ZFHX3: variants seen among roughly 807,000 people sequenced by gnomAD.
ZFHX3 encodes zinc finger homeobox protein 3.
In ZFHX3, 42 loss-of-function variants were observed where a neutral mutation model predicts 279.1. The ratio of observed to expected loss-of-function variants is 0.15; its 90% CI spans 0.12 to 0.19. The LOEUF (loss-of-function observed/expected upper bound fraction) is 0.19, where lower values mean the gene tolerates loss of function less well. Ranked by LOEUF, ZFHX3 falls within the 10% of genes least tolerant of loss-of-function variation. The pLI is 1.00. For synonymous variants in ZFHX3, 2,293 were observed against 1,957.8 expected (o/e 1.17, Z -4.52); for missense variants, 4,981 against 4,754.0 (o/e 1.05, Z -1.40).
chr16:72,870,645 G>A (rs566327495), intron 4 of ZFHX3, among the ~76,000 whole-genome samples: 1 of 148,034 alleles, frequency 6.8e-6, no homozygotes, highest in African/African-American at 2.5e-5. Flanking sequence ...ATGAACCCAG[G>A]AGGCGGAGCT....
intron 2 of ZFHX3, among the ~76,000 whole-genome samples, chr16:72,956,170 C>T (rs974140093): frequency 2.0e-5 from 3 of 152,194 alleles, no homozygotes; most frequent in Non-Finnish European, 2.9e-5. Context: ...TATAACTCAT[C>T]GGCAACAATT....
At chr16:72,906,873 C>G (rs1210957637) in intron 3 of ZFHX3, among the ~76,000 whole-genome samples, 1 of 152,072 alleles carries the variant, frequency 6.6e-6, no homozygotes, top group African/African-American at 2.4e-5. Flanking sequence ...TGGGGAGGAG[C>G]AAAGGAGGTG....
chr16:73,877,211 G>T (rs998806494), intron 1 of ZFHX3, among the ~76,000 whole-genome samples: 3 of 138,070 alleles, frequency 2.2e-5, no homozygotes, highest in African/African-American at 5.3e-5. Flanking sequence ...TCGGGGGGGG[G>T]TCCCAGGCAC....
chr16:73,151,374 C>T (rs1456086682), intron 5 of ZFHX3, among the ~76,000 whole-genome samples: 1 of 152,056 alleles, frequency 6.6e-6, no homozygotes, highest in Non-Finnish European at 1.5e-5. Flanking sequence ...TTGGAGAAGG[C>T]TTCCTCGTTG....
At chr16:73,122,296 C>G (rs1223274259) in intron 7 of ZFHX3, among the ~76,000 whole-genome samples, 1 of 152,022 alleles carries the variant, frequency 6.6e-6, no homozygotes, top group African/African-American at 2.4e-5. Context: ...ACCTCCACTT[C>G]CCGGGTTCAA....
Position 72,797,663 on chromosome 16 carries a change from A to G in ZFHX3, c.5019T>C (p.Ile1673=). 1 of 1,614,148 alleles carries G rather than the reference A, an allele frequency of 6.2e-7. No homozygotes were observed. Among genetic ancestry groups the G allele is most frequent in the Non-Finnish European group, 8.5e-7 (1 of 1,180,034 alleles). ...FTTSNPSSAG[I]APSSNLLSQV... Reference sequence around the variant, plus strand: ...GGCTTAGTAAGTTAGAGCTTGGAGCAATGCCAGCACTGCTTGGATTGGAGG... The same window carrying G: ...GGCTTAGTAAGTTAGAGCTTGGAGCGATGCCAGCACTGCTTGGATTGGAGG... Residue 1673 remains isoleucine (I), a synonymous_variant, in exon 9 of 10, where the codon ATT becomes ATC. Coordinates refer to ENST00000268489, the MANE Select transcript of ZFHX3 (RefSeq NM_006885.4).
chr16:73,136,148 A>T (rs1966786545), intron 6 of ZFHX3, among the ~76,000 whole-genome samples: 1 of 152,064 alleles, frequency 6.6e-6, no homozygotes, highest in Admixed American at 6.5e-5. Context: ...GATTATTTGT[A>T]TTATTTGCAT....
At chr16:73,365,695 C>A (rs1364906421) in intron 3 of ZFHX3, among the ~76,000 whole-genome samples, 5 of 152,196 alleles carry the variant, frequency 3.3e-5, no homozygotes, top group Admixed American at 3.3e-4. Context: ...AACGTGGGCA[C>A]AGATCTGTAT....
intron 1 of ZFHX3, among the ~76,000 whole-genome samples, chr16:73,749,828 G>A (rs35590279): frequency 0.22 from 32,814 of 152,202 alleles, 4,072 homozygotes; most frequent in Middle Eastern, 0.28. Context: ...CCTACTTGAA[G>A]GGCAGCCTTG....
At position 72,786,885 on chromosome 16, in the gene ZFHX3, T is replaced by A. The variant is rs1179136736; in HGVS notation, c.*279A>T. The stretch of plus-strand genomic sequence containing the variant: ...TAGGGAGGCCCTGCGGACTTCTGTT[T>A]CCCAGACCAATAGTACCTTCAAAAG... On this transcript the variant is annotated 3_prime_UTR_variant, in exon 10 of 10. Coordinates refer to ENST00000268489, the MANE Select transcript of ZFHX3 (RefSeq NM_006885.4). The A allele has an allele frequency of 3.0e-5, 6 of 198,368 alleles. No individual in the cohort carries two copies. Among genetic ancestry groups the A allele is most frequent in the Non-Finnish European group, 4.9e-5 (5 of 101,708 alleles). The allele number at this position is 198,368 out of a possible 1,614,324, so 12.3% of individuals were successfully genotyped here.
intron 1 of ZFHX3, among the ~76,000 whole-genome samples, chr16:73,722,862 G>A (rs1232437415): frequency 6.6e-6 from 1 of 152,174 alleles, no homozygotes; most frequent in African/African-American, 2.4e-5. Context: ...CAGATAGTAA[G>A]AGAGCTAGTC....
At position 73,332,919 on chromosome 16, in the gene ZFHX3, C is replaced by G. The variant is rs554722175; in HGVS notation, c.-1290-14583G>C. Among the ~76,000 whole-genome samples, 3 of 152,238 alleles carry G rather than the reference C, an allele frequency of 2.0e-5. No individual in the cohort carries two copies. The East Asian group carries it at 5.8e-4, about 29-fold the overall frequency. On this transcript the variant is annotated intron_variant, in intron 3 of 17. Transcript: ENST00000641206. ...CAACAAACCTAGAAATCTATGGTTG[C>G]TCTCTTGTACTTCCCTCTTTCCTTT...
chr16:73,355,700 T>C (rs911179044), intron 3 of ZFHX3, among the ~76,000 whole-genome samples: 1 of 152,224 alleles, frequency 6.6e-6, no homozygotes, highest in Non-Finnish European at 1.5e-5. Flanking sequence ...TGAATTCAAC[T>C]GCTCCCTCTG....
chr16:73,071,476 T>TGCCGCCGCCGCCGCC (rs59328820), intron 8 of ZFHX3, among the ~76,000 whole-genome samples: 2 of 151,174 alleles, frequency 1.3e-5, no homozygotes, highest in South Asian at 4.2e-4. Context: ...CTGCTGCTGC[T>TGCCGCCGCCGCCGCC]GCCGCCGCCG....
Position 72,793,415 on chromosome 16 carries a change from CTCG to C in ZFHX3, c.9264_9266del (p.Asn3088_Glu3089delinsLys). 6.2e-7 allele frequency: 1 copy of C among 1,614,224 alleles called. No homozygotes were observed. Among genetic ancestry groups the C allele is most frequent in the South Asian group, 1.1e-5 (1 of 91,082 alleles). On this transcript the variant is annotated inframe_deletion, in exon 9 of 10. Coordinates refer to ENST00000268489, the MANE Select transcript of ZFHX3 (RefSeq NM_006885.4). This position sits in a 1 kb window ranked among gnomAD's most constrained non-coding sequence, Gnocchi z 4.3. ...GCTGCTGAGCTGCCAGTCCAAGGAC[CTCG>C]TTGGCCTTTTTAATCCGGTCCAACT...
chr16:73,283,301 T>C (rs1247716638), intron 4 of ZFHX3, among the ~76,000 whole-genome samples: 1 of 152,210 alleles, frequency 6.6e-6, no homozygotes, highest in Non-Finnish European at 1.5e-5. Context: ...CAATGAGGTA[T>C]AAAGTCCAGT....
At chr16:73,376,568 G>T (rs2016726694) in intron 3 of ZFHX3, among the ~76,000 whole-genome samples, 1 of 152,300 alleles carries the variant, frequency 6.6e-6, no homozygotes. Flanking sequence ...TGTTTGTTGT[G>T]TGAGCAGCCA....
At chr16:73,402,993 A>G (rs1277714082) in intron 3 of ZFHX3, among the ~76,000 whole-genome samples, 1 of 152,176 alleles carries the variant, frequency 6.6e-6, no homozygotes, top group East Asian at 1.9e-4. Flanking sequence ...AGGCTGGACT[A>G]AAGAACTGGA....
chr16:72,874,690 C>T (rs1298910798), intron 4 of ZFHX3, among the ~76,000 whole-genome samples: 1 of 150,996 alleles, frequency 6.6e-6, no homozygotes, highest in Non-Finnish European at 1.5e-5. Context: ...GACAGGGTCT[C>T]GCTGTGTTGC....
Sources: allele counts gnomAD v4.1 joint callset (sites outside exome capture counted in the v4.1 genomes callset), GRCh38; gene constraint gnomAD v4.1.1; non-coding constraint Gnocchi (gnomAD v3.1); transcripts MANE v1.5; gene names NCBI Gene and HGNC (gene_info 2026-07-23, HGNC 2026-07-21).